The following SUMF1 variants were observed in gnomAD, a reference collection of about 807,000 sequenced individuals.
SUMF1 encodes the protein sulfatase modifying factor 1.
SUMF1 carries 48 observed loss-of-function variants against 47.6 expected under a neutral mutation model. That is an observed-to-expected ratio of 1.01 (90% confidence interval 0.80 to 1.28). The LOEUF (loss-of-function observed/expected upper bound fraction) is 1.28. SUMF1 is among the 50% of genes most tolerant of loss of function. The pLI, the probability that SUMF1 is intolerant of heterozygous loss-of-function variation, is 0.00. For synonymous variants in SUMF1, 230 were observed against 192.1 expected (o/e 1.20, Z -1.63); for missense variants, 571 against 485.4 (o/e 1.18, Z -1.66).
At chr3:4,353,795 A>G (rs1699560487) in intron 8 of SUMF1, among the ~76,000 whole-genome samples, 1 of 152,142 alleles carries the variant, frequency 6.6e-6, no homozygotes. Flanking sequence ...AACAGGTTGT[A>G]GTGAGTTCTG....
chr3:4,079,315 T>G (rs1456305697), intron 8 of SUMF1, among the ~76,000 whole-genome samples: 1 of 152,106 alleles, frequency 6.6e-6, no homozygotes, highest in Non-Finnish European at 1.5e-5. Flanking sequence ...AATACAGGGA[T>G]AATAAAAAGG....
At chr3:4,216,373 C>T (rs893338933) in intron 8 of SUMF1, among the ~76,000 whole-genome samples, 10 of 152,102 alleles carry the variant, frequency 6.6e-5, no homozygotes, top group Non-Finnish European at 1.3e-4. Context: ...TTCCTTACAC[C>T]TTCTACAAAA....
chr3:4,327,818 T>C (rs1352226494), intron 8 of SUMF1, among the ~76,000 whole-genome samples: 1 of 152,160 alleles, frequency 6.6e-6, no homozygotes, highest in Non-Finnish European at 1.5e-5. Context: ...TTTTGGAAAA[T>C]GTGTTAAATA....
intron 8 of SUMF1, among the ~76,000 whole-genome samples, chr3:4,212,532 A>C (rs894176755): frequency 2.6e-5 from 4 of 152,200 alleles, no homozygotes; most frequent in African/African-American, 9.6e-5. Context: ...ACTCGCCAAC[A>C]AGGGAGCAAA....
intron 8 of SUMF1, among the ~76,000 whole-genome samples, chr3:4,142,855 T>C (rs1443171022): frequency 6.6e-6 from 1 of 152,048 alleles, no homozygotes; most frequent in Non-Finnish European, 1.5e-5. Context: ...TAAGAACTAC[T>C]AGAATGTTCA....
intron 8 of SUMF1, among the ~76,000 whole-genome samples, chr3:4,224,291 T>C (rs1019770609): frequency 2.6e-5 from 4 of 152,200 alleles, no homozygotes; most frequent in Admixed American, 2.0e-4. Context: ...AACTTATCCT[T>C]CAAAGTGTCA....
At chr3:4,069,489 G>A (rs958576090) in intron 8 of SUMF1, among the ~76,000 whole-genome samples, 2 of 152,160 alleles carry the variant, frequency 1.3e-5, no homozygotes, top group Non-Finnish European at 1.5e-5. Flanking sequence ...CATGAGCAGA[G>A]GAGATACAGG....
chr3:4,356,272 A>T (rs1002730385), downstream of SUMF1, among the ~76,000 whole-genome samples: 1 of 152,224 alleles, frequency 6.6e-6, no homozygotes, highest in Non-Finnish European at 1.5e-5. Flanking sequence ...TAACAAATAA[A>T]ATTAAATCAA....
downstream of SUMF1, among the ~76,000 whole-genome samples, chr3:4,356,998 C>CT (rs1699633675): frequency 8.5e-6 from 1 of 117,642 alleles, no homozygotes; most frequent in African/African-American, 4.9e-5. Flanking sequence ...CTCTGAAAAA[C>CT]TGAGTGCAGA....
downstream of SUMF1, among the ~76,000 whole-genome samples, chr3:4,358,185 TA>T (rs1242301600): frequency 3.4e-4 from 51 of 150,928 alleles, 1 homozygote; most frequent in Admixed American, 3.4e-3. Flanking sequence ...TTTACAGCTT[TA>T]AAAAAAAAGA....
In SUMF1 at chr3:4,436,702, C is replaced by A. The variant is rs148933849; in HGVS notation, c.519+12564G>T. On this transcript the variant is annotated intron_variant, in intron 3 of 8. Transcript: ENST00000272902. ...AATTGCAAAACTATTAACTGTAGCT[C>A]CACAAACACTTGCAGAACTCATGAA... 2.3e-4 allele frequency among the ~76,000 whole-genome samples: 35 copies of A among 151,572 alleles called. No homozygotes were observed. The East Asian group carries it at 6.2e-3, about 27-fold the overall frequency.
At chr3:4,129,053 T>C (rs1693724696) in intron 8 of SUMF1, among the ~76,000 whole-genome samples, 2 of 152,134 alleles carry the variant, frequency 1.3e-5, no homozygotes, top group African/African-American at 4.8e-5. Flanking sequence ...ACTTTAGACC[T>C]ACTCATCCCA....
intron 8 of SUMF1, among the ~76,000 whole-genome samples, chr3:4,239,901 G>A (rs932369518): frequency 1.3e-5 from 2 of 152,172 alleles, no homozygotes; most frequent in East Asian, 1.9e-4. Context: ...GATATTGGCT[G>A]TGGGTTTGTC....
chr3:4,167,008 G>T (rs1694722603), intron 8 of SUMF1, among the ~76,000 whole-genome samples: 1 of 152,022 alleles, frequency 6.6e-6, no homozygotes. Context: ...AGGAAAAATA[G>T]GACAGAACAG....
chr3:4,265,562 A>G (rs983600239), intron 8 of SUMF1, among the ~76,000 whole-genome samples: 1 of 152,184 alleles, frequency 6.6e-6, no homozygotes, highest in African/African-American at 2.4e-5. Flanking sequence ...ACAAAGGCAC[A>G]AAAATATTTT....
downstream of SUMF1, among the ~76,000 whole-genome samples, chr3:4,356,331 T>G (rs1699616108): frequency 6.6e-6 from 1 of 152,220 alleles, no homozygotes; most frequent in South Asian, 2.1e-4. Flanking sequence ...ATCTGCAAAC[T>G]TAGCCATAAG....
chr3:4,164,413 C>A (rs1694652259), intron 8 of SUMF1, among the ~76,000 whole-genome samples: 2 of 152,296 alleles, frequency 1.3e-5, no homozygotes, highest in Admixed American at 6.5e-5. Context: ...GTTGTTGGAT[C>A]ATCCGGTTGG....
chr3:4,077,270 T>A (rs1266039441), intron 8 of SUMF1, among the ~76,000 whole-genome samples: 1 of 152,086 alleles, frequency 6.6e-6, no homozygotes, highest in Admixed American at 6.5e-5. Flanking sequence ...GATCTAGAAC[T>A]AGAAATACCA....
In SUMF1 at chr3:4,382,566, T is replaced by C. The variant is rs538848550; in HGVS notation, c.955-6177A>G. Among the ~76,000 whole-genome samples, 12 of 152,290 alleles carry C rather than the reference T, an allele frequency of 7.9e-5. No individual in the cohort carries two copies. The East Asian group carries it at 2.1e-3, about 27-fold the overall frequency. Reference sequence around the variant, plus strand: ...ACCATTTGACCCAGCAATCCCATTATTGGGTATGTACCCAAAGGATTATAA... The same window carrying C: ...ACCATTTGACCCAGCAATCCCATTACTGGGTATGTACCCAAAGGATTATAA... On this transcript the variant is annotated intron_variant, in intron 7 of 8. Coordinates refer to ENST00000272902, the MANE Select transcript of SUMF1 (RefSeq NM_182760.4).
Sources: allele counts gnomAD v4.1 joint callset (sites outside exome capture counted in the v4.1 genomes callset), GRCh38; gene constraint gnomAD v4.1.1; transcripts MANE v1.5; gene names NCBI Gene and HGNC (gene_info 2026-07-23, HGNC 2026-07-21).